The following WDPCP variants were observed in gnomAD, a reference collection of about 807,000 sequenced individuals.
WDPCP encodes WD repeat-containing and planar cell polarity effector protein fritz homolog.
Under a neutral mutation model 93.1 loss-of-function variants are expected in WDPCP, and 71 were observed. The ratio of observed to expected loss-of-function variants is 0.76; its 90% CI spans 0.63 to 0.93. The LOEUF is 0.93. Among genes scored for constraint, WDPCP ranks in the 40% least tolerant of loss-of-function variants. WDPCP has a pLI of 0.00. For missense variants in WDPCP, 844 were observed against 887.4 expected (o/e 0.95, Z 0.62); for synonymous variants, 315 against 315.0 (o/e 1.00, Z 0.00).
At chr2:63,609,984 C>T (rs764052798) in intron 3 of WDPCP, among the ~76,000 whole-genome samples, 3 of 152,146 alleles carry the variant, frequency 2.0e-5, no homozygotes, top group Non-Finnish European at 4.4e-5. Flanking sequence ...GCCTTTGAAG[C>T]ATGGGTTTCG....
At chr2:63,458,788 A>G (rs1698810090) in intron 6 of WDPCP, among the ~76,000 whole-genome samples, 1 of 152,206 alleles carries the variant, frequency 6.6e-6, no homozygotes, top group Admixed American at 6.5e-5. Context: ...CCTGACCAAA[A>G]AGAACAAATC....
intron 10 of WDPCP, among the ~76,000 whole-genome samples, chr2:63,382,442 C>CA (rs200970158): frequency 1.3e-4 from 20 of 149,912 alleles, no homozygotes; most frequent in South Asian, 4.2e-4. Context: ...TAAGTACTAG[C>CA]AAAAAAAACC....
chr2:63,412,812 C>G lies in WDPCP; in HGVS notation c.826-8155G>C, dbSNP rs140534606. Among the ~76,000 whole-genome samples the G allele has an allele frequency of 6.7e-3, 1,012 of 151,320 alleles. 11 individuals carry two copies. Among genetic ancestry groups the G allele is most frequent in the African/African-American group, 0.024 (970 of 41,268 alleles). The stretch of plus-strand genomic sequence containing the variant: ...AAAAAATGCTTAGGAATATACCTAA[C>G]CAAGGAGTCGAAAGATCTCTACGAG... On this transcript the variant is annotated intron_variant, in intron 9 of 17. Coordinates refer to ENST00000272321, the MANE Select transcript of WDPCP (RefSeq NM_015910.7).
chr2:63,826,984 T>C (rs1671122630), intron 1 of WDPCP, among the ~76,000 whole-genome samples: 1 of 152,158 alleles, frequency 6.6e-6, no homozygotes, highest in Non-Finnish European at 1.5e-5. Flanking sequence ...TCCCATCTTT[T>C]GAAAAATCTT....
intron 9 of WDPCP, among the ~76,000 whole-genome samples, chr2:63,406,146 G>T (rs1227741728): frequency 2.0e-5 from 3 of 151,938 alleles, no homozygotes; most frequent in African/African-American, 7.3e-5. Flanking sequence ...TTGGGGAGGG[G>T]TGGGGAGTTG....
chr2:63,502,551 T>C (rs1256353007), intron 1 of WDPCP, among the ~76,000 whole-genome samples: 1 of 152,212 alleles, frequency 6.6e-6, no homozygotes, highest in African/African-American at 2.4e-5. Context: ...AAGTTTCATT[T>C]TTCCATTCAT....
intron 1 of WDPCP, among the ~76,000 whole-genome samples, chr2:63,821,014 T>C (rs915608054): frequency 6.6e-6 from 1 of 152,206 alleles, no homozygotes; most frequent in African/African-American, 2.4e-5. Flanking sequence ...TTCTTAGAAG[T>C]GAAAATGCAA....
chr2:63,194,631 G>A (rs1675287679), intron 14 of WDPCP, among the ~76,000 whole-genome samples: 1 of 152,046 alleles, frequency 6.6e-6, no homozygotes, highest in Non-Finnish European at 1.5e-5. Context: ...GTGCCTATAT[G>A]GAAATAAGTA....
intron 11 of WDPCP, 49 bp from the exon 12 acceptor site, chr2:63,378,558 A>G (rs756753209): frequency 1.9e-6 from 3 of 1,611,824 alleles, no homozygotes; most frequent in African/African-American, 2.7e-5. Flanking sequence ...AACTCCTTCA[A>G]TTACAACAAA....
At position 63,439,887 on chromosome 2, in the gene WDPCP, T is replaced by C. The variant is rs1697391765; in HGVS notation, c.385-16A>G. ...CAAAAAGGAGCTAAAACCAGGTAAG[T>C]GGGGGAGAGAGGGAGGAAGACATGC... On this transcript the variant is annotated splice_polypyrimidine_tract_variant and intron_variant, in intron 6 of 17. Transcript: ENST00000272321. 3 of 1,597,206 alleles carry C rather than the reference T, an allele frequency of 1.9e-6. No individual in the cohort carries two copies. Among genetic ancestry groups the C allele is most frequent in the Non-Finnish European group, 2.6e-6 (3 of 1,165,014 alleles).
At chr2:63,560,152 G>T (rs989945818) in intron 1 of WDPCP, among the ~76,000 whole-genome samples, 1 of 152,114 alleles carries the variant, frequency 6.6e-6, no homozygotes, top group Non-Finnish European at 1.5e-5. Context: ...GAAGCTGGGA[G>T]GTGGAACTTG....
chr2:63,224,048 G>A (rs1192615956), intron 14 of WDPCP, among the ~76,000 whole-genome samples: 1 of 151,850 alleles, frequency 6.6e-6, no homozygotes, highest in Non-Finnish European at 1.5e-5. Flanking sequence ...CTTATAATCA[G>A]TTGTCAGTTT....
At chr2:63,259,997 A>G (rs995370249) in intron 13 of WDPCP, among the ~76,000 whole-genome samples, 1 of 152,154 alleles carries the variant, frequency 6.6e-6, no homozygotes, top group Non-Finnish European at 1.5e-5. Context: ...AGTATGATAG[A>G]TTTTATAGCA....
chr2:63,576,160 A>T (rs1428803391), intron 1 of WDPCP, among the ~76,000 whole-genome samples: 2 of 152,144 alleles, frequency 1.3e-5, no homozygotes, highest in African/African-American at 2.4e-5. Context: ...CCTATAATTT[A>T]AGTCAATTCT....
the WDPCP span, among the ~76,000 whole-genome samples, chr2:63,837,024 C>T: frequency 6.6e-6 from 1 of 152,266 alleles, no homozygotes; most frequent in East Asian, 1.9e-4. Flanking sequence ...TGCTACTGCT[C>T]TGATGTAAAA....
At chr2:63,723,393 C>T (rs1669455315) in intron 2 of WDPCP, among the ~76,000 whole-genome samples, 1 of 151,950 alleles carries the variant, frequency 6.6e-6, no homozygotes, top group Non-Finnish European at 1.5e-5. Context: ...TCATAGTCAC[C>T]ATCCAGTGTC....
intron 3 of WDPCP, among the ~76,000 whole-genome samples, chr2:63,638,595 G>T (rs1709947251): frequency 6.6e-6 from 1 of 152,088 alleles, no homozygotes; most frequent in Non-Finnish European, 1.5e-5. Context: ...TATGAGACCA[G>T]TCTGGGCAAT....
intron 1 of WDPCP, among the ~76,000 whole-genome samples, chr2:63,540,521 G>C (rs188368893): frequency 2.0e-5 from 3 of 152,220 alleles, no homozygotes; most frequent in African/African-American, 7.2e-5. Flanking sequence ...TCACCAAGAA[G>C]CACCTCTAAA....
At chr2:63,176,434 A>G (rs1296872544) in intron 14 of WDPCP, among the ~76,000 whole-genome samples, 5 of 152,036 alleles carry the variant, frequency 3.3e-5, no homozygotes, top group Admixed American at 6.5e-5. Context: ...ACATTATTGT[A>G]GAGAGGGGCT....
Sources: gnomAD v4.1 joint callset for allele counts (sites outside exome capture counted in the v4.1 genomes callset) on GRCh38, gnomAD v4.1.1 for gene constraint, MANE v1.5 for transcripts, NCBI Gene and HGNC (gene_info 2026-07-23, HGNC 2026-07-21) for gene names.